The following PCDHAC1 variants were observed in gnomAD, a reference collection of about 807,000 sequenced individuals.
PCDHAC1 encodes the protein protocadherin alpha subfamily C, 1.
A neutral mutation model predicts 60.0 loss-of-function variants in PCDHAC1; 42 were observed. The observed-to-expected ratio is 0.70, with a 90% CI of 0.55 to 0.90. The LOEUF is 0.90. Ranked by LOEUF, PCDHAC1 falls within the 40% of genes least tolerant of loss-of-function variation. PCDHAC1 has a pLI of 0.00. For missense variants in PCDHAC1, 1,160 were observed against 1,222.3 expected (o/e 0.95, Z 0.76); for synonymous variants, 468 against 499.3 (o/e 0.94, Z 0.84).
intron 1 of PCDHAC1, among the ~76,000 whole-genome samples, chr5:140,932,700 A>G (rs1584752908): frequency 6.6e-6 from 1 of 151,992 alleles, no homozygotes; most frequent in East Asian, 1.9e-4. Flanking sequence ...AAAAACTCAT[A>G]TAGACAACAC....
intron 1 of PCDHAC1, among the ~76,000 whole-genome samples, chr5:140,949,308 G>T (rs1323575169): frequency 6.6e-6 from 1 of 151,722 alleles, no homozygotes; most frequent in African/African-American, 2.4e-5. Flanking sequence ...TGGGTGTAAT[G>T]ATTTATAAAT....
Position 141,000,418 on chromosome 5 carries a change from TA to T in PCDHAC1, c.2582-9208del, listed in dbSNP as rs1328416600. 5.1e-3 allele frequency among the ~76,000 whole-genome samples: 429 copies of T among 83,548 alleles called. 3 individuals carry two copies. The highest frequency in any genetic ancestry group is 6.3e-3 in the Non-Finnish European group (284 of 45,190). 54.8% of individuals were successfully genotyped at this position (83,548 alleles called of 152,430 possible). A position where few individuals can be genotyped will look rare whatever the true frequency, so the allele number is the denominator to read the frequency against. ...CTCTATATATATATATATATATATA[TA>T]TATTTTTTTTTTTTTTTTTTTTTTT... On this transcript the variant is annotated intron_variant, in intron 3 of 3. Transcript: ENST00000253807.
chr5:140,979,408 G>GTT (rs558051720), intron 2 of PCDHAC1, among the ~76,000 whole-genome samples: 2 of 147,646 alleles, frequency 1.4e-5, no homozygotes, highest in African/African-American at 2.5e-5. Context: ...TGTCTACCTT[G>GTT]TTTTTTTTTT....
At chr5:140,946,857 G>T (rs2094041766) in intron 1 of PCDHAC1, among the ~76,000 whole-genome samples, 1 of 151,296 alleles carries the variant, frequency 6.6e-6, no homozygotes, top group Non-Finnish European at 1.5e-5. Flanking sequence ...GAGAGATTGA[G>T]GAGAGGTTGG....
chr5:140,967,111 T>G, intron 1 of PCDHAC1: 1 of 1,612,990 alleles, frequency 6.2e-7, no homozygotes, highest in East Asian at 2.2e-5. Context: ...AGCAGCGGCC[T>G]CGCTGCCTGC....
At chr5:140,994,636 T>C (rs1243732393) in intron 3 of PCDHAC1, among the ~76,000 whole-genome samples, 1 of 151,996 alleles carries the variant, frequency 6.6e-6, no homozygotes, top group Admixed American at 6.6e-5. Flanking sequence ...ACCTGGAAGG[T>C]GGAGGTTGCA....
intron 3 of PCDHAC1, among the ~76,000 whole-genome samples, chr5:140,986,426 T>C (rs1405347449): frequency 1.3e-5 from 2 of 152,216 alleles, no homozygotes; most frequent in East Asian, 3.9e-4. Context: ...TTTAACTTCA[T>C]GAGTACTAAT....
At chr5:141,006,996 G>T (rs1206587874) in intron 3 of PCDHAC1, among the ~76,000 whole-genome samples, 2 of 152,136 alleles carry the variant, frequency 1.3e-5, no homozygotes, top group African/African-American at 4.8e-5. Flanking sequence ...TAAAATATAA[G>T]TCTGCATCTC....
intron 1 of PCDHAC1, among the ~76,000 whole-genome samples, chr5:140,943,274 A>G (rs1179008027): frequency 6.4e-5 from 9 of 141,284 alleles, no homozygotes; most frequent in Non-Finnish European, 1.0e-4. Flanking sequence ...AAAAAAAAAA[A>G]AAAGAAAGAA....
At chr5:140,934,171 A>C (rs965826085) in intron 1 of PCDHAC1, among the ~76,000 whole-genome samples, 11 of 152,160 alleles carry the variant, frequency 7.2e-5, no homozygotes, top group African/African-American at 2.7e-4. Context: ...GTGCAACAGA[A>C]GTACTCTAAA....
chr5:140,946,916 T>C (rs1554217963), intron 1 of PCDHAC1, among the ~76,000 whole-genome samples: 4 of 151,468 alleles, frequency 2.6e-5, no homozygotes, highest in Non-Finnish European at 5.9e-5. Context: ...GTTCTGGTGT[T>C]TTATTGAACA....
chr5:140,966,541 G>A (rs2096018356), intron 1 of PCDHAC1: 2 of 462,844 alleles, frequency 4.3e-6, no homozygotes, highest in Admixed American at 4.3e-5. Context: ...TGAGCGACTC[G>A]GAGGCGAGCG....
chr5:141,008,241 C>G (rs1474460463), intron 3 of PCDHAC1, among the ~76,000 whole-genome samples: 2 of 152,118 alleles, frequency 1.3e-5, no homozygotes, highest in African/African-American at 2.4e-5. Flanking sequence ...TGCTCAGGGA[C>G]ACCAAATTAG....
intron 3 of PCDHAC1, among the ~76,000 whole-genome samples, chr5:140,987,227 AT>A (rs1395687024): frequency 4.6e-5 from 7 of 151,696 alleles, no homozygotes; most frequent in African/African-American, 1.7e-4. Context: ...AAAAAAAAAA[AT>A]AATAAATAAA....
At chr5:141,004,013 G>C (rs1327248207) in intron 3 of PCDHAC1, among the ~76,000 whole-genome samples, 4 of 152,124 alleles carry the variant, frequency 2.6e-5, no homozygotes, top group African/African-American at 9.7e-5. Context: ...AGGCAGCACT[G>C]AAAGAAGAAA....
chr5:140,966,278 T>A, intron 1 of PCDHAC1: 1 of 363,192 alleles, frequency 2.8e-6, no homozygotes, highest in Non-Finnish European at 4.9e-6. Context: ...AACTGGACAG[T>A]GGGGGTAGGG....
chr5:140,931,659 G>A (rs1554208521), intron 1 of PCDHAC1, among the ~76,000 whole-genome samples: 1 of 151,694 alleles, frequency 6.6e-6, no homozygotes, highest in Non-Finnish European at 1.5e-5. Flanking sequence ...GTTGTGGGCT[G>A]GATATTTCCT....
chr5:140,941,506 G>T (rs556309408), intron 1 of PCDHAC1, among the ~76,000 whole-genome samples: 1 of 151,236 alleles, frequency 6.6e-6, no homozygotes, highest in South Asian at 2.1e-4. Flanking sequence ...TAGTAGAGAC[G>T]AGGTTTCACC....
In PCDHAC1 at chr5:140,969,065, A is replaced by G. The variant is rs1554231418; in HGVS notation, c.2434-9884A>G. 4.3e-6 allele frequency: 7 copies of G among 1,614,188 alleles called. No individual in the cohort carries two copies. The East Asian group carries it at 1.6e-4, about 36-fold the overall frequency. On this transcript the variant is annotated intron_variant, in intron 1 of 3. Coordinates refer to ENST00000253807, the MANE Select transcript of PCDHAC1 (RefSeq NM_018898.5). ...ACAAGCCAACAACAATATTGATGCC[A>G]GGATACCGCATGGCCTCAAAGTGCA...
Sources: gnomAD v4.1 joint callset for allele counts (sites outside exome capture counted in the v4.1 genomes callset) on GRCh38, gnomAD v4.1.1 for gene constraint, MANE v1.5 for transcripts, NCBI Gene and HGNC (gene_info 2026-07-23, HGNC 2026-07-21) for gene names.